Variants in CHL1 observed in about 807,000 individuals in gnomAD.
CHL1 encodes neural cell adhesion molecule L1-like protein.
CHL1 carries 96 observed loss-of-function variants against 141.9 expected under a neutral mutation model. The observed-to-expected ratio is 0.68, with a 90% confidence interval of 0.57 to 0.80. CHL1 has a LOEUF of 0.80. CHL1 is among the 30% of genes least tolerant of loss of function. The probability of loss-of-function intolerance (pLI) is 0.00; values close to 1 mark genes in which losing one functional copy is unlikely to be tolerated. For missense variants in CHL1, 1,820 were observed against 1,457.2 expected, an observed-to-expected ratio of 1.25 and a Z score of -4.05; for synonymous variants, 613 against 502.2, an observed-to-expected ratio of 1.22 and a Z score of -2.95.
At chr3:235,598 G>T (rs1449812011) in intron 1 of CHL1, among the ~76,000 whole-genome samples, 1 of 152,066 alleles carries the variant, frequency 6.6e-6, no homozygotes, top group Non-Finnish European at 1.5e-5. Context: ...ATACATTTTG[G>T]ACTATATAGG....
At chr3:325,572 C>T (rs1021612140) in intron 3 of CHL1, among the ~76,000 whole-genome samples, 92 of 151,840 alleles carry the variant, frequency 6.1e-4, no homozygotes, top group African/African-American at 1.7e-3. Flanking sequence ...TATAGAAACA[C>T]GGAAGATTAC....
At chr3:375,619 G>A (rs1449853327) in intron 15 of CHL1, among the ~76,000 whole-genome samples, 1 of 151,912 alleles carries the variant, frequency 6.6e-6, no homozygotes, top group Non-Finnish European at 1.5e-5. Context: ...AATGTGATTA[G>A]CAATAAGCCA....
At chr3:314,337 A>G (rs1456069728) in intron 2 of CHL1, among the ~76,000 whole-genome samples, 1,313 of 54,998 alleles carry the variant, frequency 0.024, 77 homozygotes, top group African/African-American at 0.13. Context: ...GTGTATATAT[A>G]TATATATATA....
At chr3:359,660 G>T (rs912188735) in intron 11 of CHL1, among the ~76,000 whole-genome samples, 1 of 152,212 alleles carries the variant, frequency 6.6e-6, no homozygotes. Context: ...TGGATCAGGA[G>T]TGGGGAAGGT....
At chr3:229,078 C>T (rs886254343) in intron 1 of CHL1, among the ~76,000 whole-genome samples, 1 of 152,174 alleles carries the variant, frequency 6.6e-6, no homozygotes, top group African/African-American at 2.4e-5. Flanking sequence ...TGTAATTTTG[C>T]AAGCAACCAG....
intron 2 of CHL1, among the ~76,000 whole-genome samples, chr3:252,068 C>A (rs1464697125): frequency 2.0e-5 from 3 of 151,920 alleles, no homozygotes; most frequent in Non-Finnish European, 4.4e-5. Flanking sequence ...TTAGAGACCA[C>A]CAGAAATTTG....
At chr3:380,596 C>T (rs1706910508) in intron 16 of CHL1, among the ~76,000 whole-genome samples, 1 of 152,140 alleles carries the variant, frequency 6.6e-6, no homozygotes, top group Admixed American at 6.6e-5. Flanking sequence ...TTTCCAGTTT[C>T]TGTCACAACA....
At chr3:279,758 G>C (rs1365553771) in intron 2 of CHL1, among the ~76,000 whole-genome samples, 1 of 152,212 alleles carries the variant, frequency 6.6e-6, no homozygotes, top group Non-Finnish European at 1.5e-5. Flanking sequence ...TAGTACCAGA[G>C]ACAATGAGAG....
intron 2 of CHL1, among the ~76,000 whole-genome samples, chr3:273,422 A>G (rs1486109125): frequency 6.6e-6 from 1 of 152,158 alleles, no homozygotes; most frequent in Non-Finnish European, 1.5e-5. Context: ...CTTTAATTCC[A>G]TAAAGACAAT....
chr3:358,916 G>C (rs1703956588), intron 11 of CHL1, among the ~76,000 whole-genome samples: 2 of 148,938 alleles, frequency 1.3e-5, no homozygotes, highest in Admixed American at 1.3e-4. Context: ...CCCTTCCCTT[G>C]ACATTTCCAG....
chr3:366,309 A>G (rs188369954), intron 15 of CHL1, among the ~76,000 whole-genome samples, 194 bp downstream of exon 15: 1 of 151,946 alleles, frequency 6.6e-6, no homozygotes, highest in Non-Finnish European at 1.5e-5. Context: ...CGTCTCCACT[A>G]AAAATACAAA....
intron 24 of CHL1, among the ~76,000 whole-genome samples, chr3:395,260 A>G (rs1041116211): frequency 1.3e-5 from 2 of 152,242 alleles, no homozygotes; most frequent in Non-Finnish European, 2.9e-5. Flanking sequence ...ATTGGTAGAC[A>G]TTACAGATCT....
At chr3:341,722 TTGC>T (rs1702361948) in intron 6 of CHL1, among the ~76,000 whole-genome samples, 187 bp from the exon 7 acceptor site, 1 of 152,144 alleles carries the variant, frequency 6.6e-6, no homozygotes. Context: ...CCCAAGGGTT[TTGC>T]TGCTGTTTTT....
chr3:301,058 A>G (rs192846868), intron 2 of CHL1, among the ~76,000 whole-genome samples: 8 of 152,314 alleles, frequency 5.3e-5, no homozygotes, highest in Admixed American at 1.3e-4. Context: ...CCATGTTCTG[A>G]GTAATGACAT....
At chr3:201,045 G>C (rs1698882710) in intron 1 of CHL1, among the ~76,000 whole-genome samples, 1 of 152,176 alleles carries the variant, frequency 6.6e-6, no homozygotes, top group Non-Finnish European at 1.5e-5. Context: ...TTTATCTTCT[G>C]AGAATAAAAG....
At chr3:322,304 A>T (rs1301037695) in intron 3 of CHL1, among the ~76,000 whole-genome samples, 4 of 75,474 alleles carry the variant, frequency 5.3e-5, no homozygotes, top group Admixed American at 1.2e-4. Flanking sequence ...ATGAAAAATT[A>T]AAAAAATAGA....
chr3:314,325 ATG>A lies in CHL1; in HGVS notation c.-94-5354_-94-5353del, dbSNP rs200073063. Among the ~76,000 whole-genome samples, 52 of 55,196 alleles carry A rather than the reference ATG, an allele frequency of 9.4e-4. 1 individual carries two copies. Among genetic ancestry groups the A allele is most frequent in the African/African-American group, 6.4e-3 (51 of 7,978 alleles). The allele number at this position is 55,196 out of a possible 152,430, so 36.2% of individuals were successfully genotyped here. A position where few individuals can be genotyped will look rare whatever the true frequency, so the allele number is the denominator to read the frequency against. ...TCTCTCTCTTTCTCTCTCTCTCTCT[ATG>A]TGTATATATATATATATATATATAT... On this transcript the variant is annotated intron_variant, in intron 2 of 27. Transcript: ENST00000256509.
chr3:308,285 C>G (rs191207156), intron 2 of CHL1, among the ~76,000 whole-genome samples: 2 of 152,072 alleles, frequency 1.3e-5, no homozygotes, highest in African/African-American at 4.8e-5. Context: ...TGTGTATTTC[C>G]TATATTCTAG....
intron 9 of CHL1, among the ~76,000 whole-genome samples, chr3:347,288 G>A (rs1219354262): frequency 6.6e-6 from 1 of 152,038 alleles, no homozygotes; most frequent in East Asian, 1.9e-4. Flanking sequence ...AAAAAATTGA[G>A]ATTATGAGGT....
Sources: gnomAD v4.1 joint callset for allele counts (sites outside exome capture counted in the v4.1 genomes callset) on GRCh38, gnomAD v4.1.1 for gene constraint, MANE v1.5 for transcripts, NCBI Gene and HGNC (gene_info 2026-07-23, HGNC 2026-07-21) for gene names.